DLGAP1: variants seen among roughly 807,000 people sequenced by gnomAD.
The protein encoded by DLGAP1 is disks large-associated protein 1.
Under a neutral mutation model 90.8 loss-of-function variants are expected in DLGAP1, and 11 were observed. The observed-to-expected ratio is 0.12, with a 90% CI of 0.08 to 0.20. The LOEUF (loss-of-function observed/expected upper bound fraction) is 0.20, where lower values mean the gene tolerates loss of function less well. Among genes scored for constraint, DLGAP1 ranks in the 10% least tolerant of loss-of-function variants. The probability of loss-of-function intolerance (pLI) is 1.00; values close to 1 mark genes in which losing one functional copy is unlikely to be tolerated. For synonymous variants in DLGAP1, 558 were observed against 540.7 expected (o/e 1.03, Z -0.44); for missense variants, 1,050 against 1,333.8 (o/e 0.79, Z 3.31).
At chr18:4,163,444 G>A (rs1381929596) in intron 1 of DLGAP1, among the ~76,000 whole-genome samples, 4 of 152,210 alleles carry the variant, frequency 2.6e-5, no homozygotes, top group Admixed American at 1.3e-4. Flanking sequence ...AGGTAGCAGA[G>A]TGAGCTAATC....
intron 1 of DLGAP1, among the ~76,000 whole-genome samples, chr18:4,331,381 T>A (rs2080947770): frequency 6.6e-6 from 1 of 151,772 alleles, no homozygotes; most frequent in Middle Eastern, 3.4e-3. Flanking sequence ...ATCAAGGGGA[T>A]CCTAGTGATT....
At chr18:4,277,924 T>C (rs999010657) in intron 1 of DLGAP1, among the ~76,000 whole-genome samples, 4 of 152,210 alleles carry the variant, frequency 2.6e-5, no homozygotes, top group African/African-American at 7.2e-5. Flanking sequence ...TCCCACCTTG[T>C]TATCCTAAAA....
At chr18:4,038,271 T>C (rs1036817) in intron 2 of DLGAP1, among the ~76,000 whole-genome samples, 152,336 of 152,346 alleles carry the variant, frequency 1, 76,163 homozygotes, top group Non-Finnish European at 1. Context: ...CTGCCTATTG[T>C]TTCATGCCAT....
intron 1 of DLGAP1, among the ~76,000 whole-genome samples, chr18:4,258,958 AT>A (rs1404306362): frequency 6.6e-6 from 1 of 152,156 alleles, no homozygotes; most frequent in Non-Finnish European, 1.5e-5. Context: ...GACCTTATAG[AT>A]CAGTTAGGAA....
chr18:3,976,191 C>CAACAAT (rs1555717708), intron 3 of DLGAP1, among the ~76,000 whole-genome samples: 2 of 132,792 alleles, frequency 1.5e-5, no homozygotes, highest in Non-Finnish European at 3.1e-5. Context: ...ACTAAAAATA[C>CAACAAT]AATAATAATA....
intron 4 of DLGAP1, among the ~76,000 whole-genome samples, chr18:3,871,286 T>C (rs551284642): frequency 2.0e-5 from 3 of 152,264 alleles, no homozygotes; most frequent in Admixed American, 1.3e-4. Context: ...GAAAAATAGA[T>C]AGGAAGATAC....
chr18:3,744,947 A>C (rs897515529), intron 5 of DLGAP1, among the ~76,000 whole-genome samples: 1 of 152,230 alleles, frequency 6.6e-6, no homozygotes, highest in Admixed American at 6.5e-5. Flanking sequence ...AAGCAACCCA[A>C]ATGTCTAACT....
At chr18:4,430,947 CAGGCTT>C (rs1228339957) in intron 1 of DLGAP1, 2 of 155,902 alleles carry the variant, frequency 1.3e-5, no homozygotes, top group African/African-American at 4.8e-5. Flanking sequence ...GATTGCTCTG[CAGGCTT>C]AGGCTGAGTA....
At chr18:3,650,681 C>T (rs755728977) in intron 7 of DLGAP1, among the ~76,000 whole-genome samples, 10 of 152,158 alleles carry the variant, frequency 6.6e-5, no homozygotes, top group Non-Finnish European at 1.0e-4. Context: ...CCACCTACCA[C>T]GCTGGTGGAA....
chr18:3,572,720 G>C (rs923064201), intron 8 of DLGAP1, among the ~76,000 whole-genome samples: 12 of 152,162 alleles, frequency 7.9e-5, no homozygotes, highest in African/African-American at 2.4e-4. Flanking sequence ...AAAATACTGG[G>C]ATTACAGGTG....
At chr18:3,747,285 G>A (rs1242516408) in intron 5 of DLGAP1, among the ~76,000 whole-genome samples, 1 of 152,162 alleles carries the variant, frequency 6.6e-6, no homozygotes, top group Admixed American at 6.5e-5. Context: ...GCCAGGTCAA[G>A]GTAATATTTT....
intron 2 of DLGAP1, among the ~76,000 whole-genome samples, chr18:4,049,155 A>T (rs1415256512): frequency 6.6e-6 from 1 of 151,194 alleles, no homozygotes; most frequent in African/African-American, 2.4e-5. Flanking sequence ...TGAACCCAAG[A>T]GGCAGAAGTT....
At chr18:4,109,349 T>G (rs1230242935) in intron 2 of DLGAP1, among the ~76,000 whole-genome samples, 1 of 152,026 alleles carries the variant, frequency 6.6e-6, no homozygotes, top group Non-Finnish European at 1.5e-5. Flanking sequence ...GGGAGTGATA[T>G]CTCCTCATCT....
chr18:3,750,613 A>G (rs1204316102), intron 5 of DLGAP1, among the ~76,000 whole-genome samples: 1 of 152,168 alleles, frequency 6.6e-6, no homozygotes, highest in Non-Finnish European at 1.5e-5. Context: ...TGCTCCTATC[A>G]TGAGTCCTGT....
chr18:3,848,375 A>C (rs758744093), intron 4 of DLGAP1, among the ~76,000 whole-genome samples: 5 of 152,112 alleles, frequency 3.3e-5, no homozygotes, highest in Non-Finnish European at 5.9e-5. Context: ...ATCAGAGGAC[A>C]TGATCTTCAA....
chr18:3,601,001 T>G (rs1057233813), intron 7 of DLGAP1, among the ~76,000 whole-genome samples: 117 of 131,764 alleles, frequency 8.9e-4, no homozygotes, highest in African/African-American at 3.6e-3. Flanking sequence ...TATAGATATA[T>G]AGATATAGAT....
At chr18:3,521,051 C>A (rs1357419764) in intron 10 of DLGAP1, among the ~76,000 whole-genome samples, 2 of 152,158 alleles carry the variant, frequency 1.3e-5, no homozygotes, top group African/African-American at 4.8e-5. Context: ...CCTGAGCTCA[C>A]TTCTCCACTC....
intron 7 of DLGAP1, among the ~76,000 whole-genome samples, chr18:3,712,176 C>T (rs2147237096): frequency 6.6e-6 from 1 of 152,340 alleles, no homozygotes; most frequent in Admixed American, 6.5e-5. Context: ...CTTCTCAATT[C>T]TCCTTGAGAA....
intron 11 of DLGAP1, among the ~76,000 whole-genome samples, chr18:3,504,270 C>T (rs2050095706): frequency 6.6e-6 from 1 of 151,878 alleles, no homozygotes; most frequent in Non-Finnish European, 1.5e-5. Flanking sequence ...ATTCAGACAT[C>T]GTTAGAATAG....
Sources: allele counts gnomAD v4.1 joint callset (sites outside exome capture counted in the v4.1 genomes callset), GRCh38; gene constraint gnomAD v4.1.1; transcripts MANE v1.5; gene names NCBI Gene and HGNC (gene_info 2026-07-23, HGNC 2026-07-21).